The following PKNOX2 variants were observed in gnomAD, a reference collection of about 807,000 sequenced individuals.
The protein encoded by PKNOX2 is PBX/knotted 1 homeobox 2.
PKNOX2 carries 14 observed loss-of-function variants against 53.1 expected under a neutral mutation model. The ratio of observed to expected loss-of-function variants is 0.26; its 90% CI spans 0.17 to 0.41. The LOEUF is 0.41. PKNOX2 is among the 10% of genes least tolerant of loss of function. The pLI is 1.00. For synonymous variants in PKNOX2, 257 were observed against 242.8 expected (o/e 1.06, Z -0.54); for missense variants, 496 against 602.8 (o/e 0.82, Z 1.85).
chr11:125,222,335 A>G (rs1320194897), intron 1 of PKNOX2, among the ~76,000 whole-genome samples: 2 of 150,280 alleles, frequency 1.3e-5, no homozygotes, highest in Non-Finnish European at 3.0e-5. Flanking sequence ...GATCTTCTCC[A>G]CACTTTCTTC....
At chr11:125,324,467 A>G (rs1029067002) in intron 2 of PKNOX2, among the ~76,000 whole-genome samples, 2 of 152,168 alleles carry the variant, frequency 1.3e-5, no homozygotes, top group Non-Finnish European at 2.9e-5. Context: ...TATGTACAAA[A>G]TACATCTTAG....
chr11:125,222,241 C>G lies in PKNOX2; in HGVS notation c.-200-12804C>G, dbSNP rs570885149. Among the ~76,000 whole-genome samples the G allele has an allele frequency of 3.3e-5, 5 of 152,288 alleles. No homozygotes were observed. In the South Asian group the frequency reaches 1.0e-3, roughly 32 times the overall value. ...GGTCTTTCCTCATCCTGAGCCACCC[C>G]CCTTGCTCTCTTCCAGTTGGGATTT... On this transcript the variant is annotated intron_variant, in intron 1 of 12. Coordinates refer to ENST00000298282, the MANE Select transcript of PKNOX2 (RefSeq NM_001382323.2).
At chr11:125,282,926 T>A (rs1040074770) in intron 2 of PKNOX2, among the ~76,000 whole-genome samples, 2 of 151,852 alleles carry the variant, frequency 1.3e-5, no homozygotes, top group African/African-American at 2.4e-5. Flanking sequence ...CTGAGGCGGG[T>A]GGATCACTTG....
At chr11:125,295,976 A>G (rs1420924197) in intron 2 of PKNOX2, among the ~76,000 whole-genome samples, 3 of 152,090 alleles carry the variant, frequency 2.0e-5, no homozygotes, top group African/African-American at 7.2e-5. Context: ...GGGCAAATCC[A>G]TACTTCCAGT....
chr11:125,405,250 A>G (rs1392852722), intron 7 of PKNOX2, among the ~76,000 whole-genome samples: 2 of 146,292 alleles, frequency 1.4e-5, no homozygotes, highest in South Asian at 2.1e-4. Flanking sequence ...GTAAGATAAA[A>G]ATTCCACCTA....
chr11:125,369,445 C>G (rs566359921), intron 5 of PKNOX2, among the ~76,000 whole-genome samples: 17 of 152,354 alleles, frequency 1.1e-4, no homozygotes, highest in Non-Finnish European at 2.4e-4. Flanking sequence ...TCCCTCTTTA[C>G]AGTCTCTTAT....
chr11:125,297,952 G>C (rs1947770883), intron 2 of PKNOX2, among the ~76,000 whole-genome samples: 1 of 152,076 alleles, frequency 6.6e-6, no homozygotes, highest in South Asian at 2.1e-4. Context: ...AATCACCTTT[G>C]TTCTTGCTGG....
chr11:125,247,800 C>A (rs911176097), intron 2 of PKNOX2, among the ~76,000 whole-genome samples: 4 of 152,186 alleles, frequency 2.6e-5, no homozygotes, highest in Non-Finnish European at 4.4e-5. Context: ...GCAGGATAGG[C>A]AGAGAAGAAT....
At chr11:125,192,169 G>A (rs1258465742) in intron 1 of PKNOX2, among the ~76,000 whole-genome samples, 1 of 152,056 alleles carries the variant, frequency 6.6e-6, no homozygotes, top group African/African-American at 2.4e-5. Context: ...ATTCCAGCAG[G>A]TCTCTCTGAG....
In PKNOX2 at chr11:125,325,630, G is replaced by A. The variant is rs993320238; in HGVS notation, c.-129-6189G>A. Among the ~76,000 whole-genome samples the A allele has an allele frequency of 7.9e-5, 12 of 152,190 alleles. 1 individual carries two copies. The highest frequency in any genetic ancestry group is 2.1e-4 in the South Asian group (1 of 4,832). ...ATCATTTATGAAAGACTCAGTCTACGTCATTGCCAAGCCCTTTGCTATCTG... is the reference window on the plus strand; with the variant it reads ...ATCATTTATGAAAGACTCAGTCTACATCATTGCCAAGCCCTTTGCTATCTG... On this transcript the variant is annotated intron_variant, in intron 2 of 12. Coordinates refer to ENST00000298282, the MANE Select transcript of PKNOX2 (RefSeq NM_001382323.2).
intron 2 of PKNOX2, among the ~76,000 whole-genome samples, chr11:125,244,600 G>C (rs1401639143): frequency 6.6e-6 from 1 of 152,230 alleles, no homozygotes. Context: ...AAAGTGCCAG[G>C]GGGCTGGGAG....
intron 2 of PKNOX2, among the ~76,000 whole-genome samples, chr11:125,239,077 G>T (rs1299409907): frequency 6.6e-6 from 1 of 152,130 alleles, no homozygotes; most frequent in Admixed American, 6.5e-5. Context: ...CCATTCACTC[G>T]CCCAGTAAAT....
chr11:125,294,718 G>T lies in PKNOX2; in HGVS notation c.-129-37101G>T, dbSNP rs112523272. 1.7e-4 allele frequency among the ~76,000 whole-genome samples: 26 copies of T among 152,330 alleles called. 3 individuals are homozygous for T. The highest frequency in any genetic ancestry group is 6.3e-4 in the African/African-American group (26 of 41,570). ...CTCACTAGCTCCATGACTTCCAGTA[G>T]TCAGGCTTATGAAGAGTCCACTTCT... is the stretch of plus-strand genomic sequence containing the variant. On this transcript the variant is annotated intron_variant, in intron 2 of 12. Coordinates refer to ENST00000298282, the MANE Select transcript of PKNOX2 (RefSeq NM_001382323.2).
At chr11:125,213,938 G>A (rs1565470952) in intron 1 of PKNOX2, among the ~76,000 whole-genome samples, 3 of 152,082 alleles carry the variant, frequency 2.0e-5, no homozygotes, top group African/African-American at 2.4e-5. Context: ...GCAGAAGGAG[G>A]GCCAGGGAGG....
chr11:125,348,381 A>C (rs1158163907), intron 3 of PKNOX2, among the ~76,000 whole-genome samples: 1 of 152,228 alleles, frequency 6.6e-6, no homozygotes, highest in Non-Finnish European at 1.5e-5. Flanking sequence ...TTAAGCCTCT[A>C]ATGAAAAGGC....
At chr11:125,314,454 G>A (rs1949026739) in intron 2 of PKNOX2, among the ~76,000 whole-genome samples, 1 of 152,160 alleles carries the variant, frequency 6.6e-6, no homozygotes, top group South Asian at 2.1e-4. Context: ...GCGTCCAGAT[G>A]GCCCGGCAGT....
intron 2 of PKNOX2, among the ~76,000 whole-genome samples, chr11:125,327,073 G>C (rs1591529165): frequency 6.6e-6 from 1 of 152,300 alleles, no homozygotes; most frequent in African/African-American, 2.4e-5. Flanking sequence ...AAAAAAGCTT[G>C]GTGTTTTATG....
Position 125,404,731 on chromosome 11 carries a change from C to T in PKNOX2, c.589-5465C>T, listed in dbSNP as rs188238503. Among the ~76,000 whole-genome samples the T allele has an allele frequency of 3.3e-5, 5 of 152,258 alleles. No individual in the cohort carries two copies. The East Asian group carries it at 7.7e-4, about 24-fold the overall frequency. On this transcript the variant is annotated intron_variant, in intron 7 of 12. Coordinates refer to ENST00000298282, the MANE Select transcript of PKNOX2 (RefSeq NM_001382323.2). ...CGCATGTACCATGCACTTAACATTG[C>T]GCTAAGCAGTTTCGGGGAATTCAGA...
chr11:125,335,108 C>T (rs900022415), intron 3 of PKNOX2, among the ~76,000 whole-genome samples: 2 of 152,294 alleles, frequency 1.3e-5, no homozygotes, highest in African/African-American at 4.8e-5. Flanking sequence ...TTTATTAAAA[C>T]TGCTTCTTTC....
Sources: gnomAD v4.1 joint callset for allele counts (sites outside exome capture counted in the v4.1 genomes callset) on GRCh38, gnomAD v4.1.1 for gene constraint, MANE v1.5 for transcripts, NCBI Gene and HGNC (gene_info 2026-07-23, HGNC 2026-07-21) for gene names.